XYLT1: variants seen among roughly 807,000 people sequenced by gnomAD.
XYLT1 encodes xylosyltransferase 1.
In XYLT1, 36 loss-of-function variants were observed where a neutral mutation model predicts 91.3. The observed-to-expected ratio is 0.39, with a 90% CI of 0.30 to 0.52. The LOEUF (loss-of-function observed/expected upper bound fraction) is 0.52, where lower values mean the gene tolerates loss of function less well. Ranked by LOEUF, XYLT1 falls within the 20% of genes least tolerant of loss-of-function variation. XYLT1 has a pLI of 0.68. For missense variants in XYLT1, 1,242 were observed against 1,284.5 expected (o/e 0.97, Z 0.51); for synonymous variants, 588 against 532.0 (o/e 1.11, Z -1.45).
chr16:17,279,423 C>T (rs2034024559), intron 2 of XYLT1, among the ~76,000 whole-genome samples: 2 of 152,316 alleles, frequency 1.3e-5, no homozygotes, highest in Admixed American at 6.5e-5. Context: ...GAGGTGAAGA[C>T]ACTTCCTTAA....
intron 5 of XYLT1, among the ~76,000 whole-genome samples, chr16:17,176,458 C>T (rs982584325): frequency 2.6e-5 from 4 of 152,340 alleles, no homozygotes; most frequent in African/African-American, 7.2e-5. Context: ...CCCAAGGGCA[C>T]GTGGCCAGTA....
chr16:17,154,445 C>G (rs143927020), intron 6 of XYLT1, among the ~76,000 whole-genome samples: 1 of 152,206 alleles, frequency 6.6e-6, no homozygotes, highest in Admixed American at 6.5e-5. Context: ...CCTGTCCCCA[C>G]ACACTGAGAC....
intron 5 of XYLT1, among the ~76,000 whole-genome samples, chr16:17,163,817 G>C (rs2031607013): frequency 6.6e-6 from 1 of 152,216 alleles, no homozygotes; most frequent in Middle Eastern, 3.4e-3. Flanking sequence ...GGGAGGCCAA[G>C]GCGGGTGGAT....
intron 2 of XYLT1, among the ~76,000 whole-genome samples, chr16:17,268,364 T>C (rs955676093): frequency 3.3e-5 from 5 of 152,228 alleles, no homozygotes; most frequent in African/African-American, 1.2e-4. Context: ...ATAAACATTT[T>C]AAGAATGCCT....
Position 17,104,935 on chromosome 16 carries a change from T to A in XYLT1, c.*3760A>T, listed in dbSNP as rs184425705. On this transcript the variant is annotated 3_prime_UTR_variant, in exon 12 of 12. Transcript: ENST00000261381. ...GGGCCCCATAAACATTTGTAACCCC[T>A]ACCACAGTGTGTGGCTTTGATCCTG... The A allele has an allele frequency of 6.6e-6, 1 of 152,392 alleles. No homozygotes were observed. The highest frequency in any genetic ancestry group is 1.5e-5 in the Non-Finnish European group (1 of 68,094). The allele number at this position is 152,392 out of a possible 1,614,324, so 9.4% of individuals were successfully genotyped here. A position where few individuals can be genotyped will look rare whatever the true frequency, so the allele number is the denominator to read the frequency against.
intron 3 of XYLT1, among the ~76,000 whole-genome samples, chr16:17,217,895 A>T (rs565196338): frequency 5.0e-4 from 76 of 152,056 alleles, no homozygotes; most frequent in Non-Finnish European, 7.6e-4. Flanking sequence ...CTTTGGAAGG[A>T]AGGAAGACCA....
At chr16:17,468,817 T>G (rs1199384084) in intron 1 of XYLT1, among the ~76,000 whole-genome samples, 1 of 152,114 alleles carries the variant, frequency 6.6e-6, no homozygotes, top group Admixed American at 6.5e-5. Flanking sequence ...CCCCTACACG[T>G]TCTTACACTG....
At chr16:17,418,113 A>C (rs953486642) in intron 1 of XYLT1, among the ~76,000 whole-genome samples, 1 of 152,224 alleles carries the variant, frequency 6.6e-6, no homozygotes, top group Admixed American at 6.5e-5. Context: ...GTCAGCCCAC[A>C]AAACCTTGAG....
At chr16:17,148,920 G>A (rs866842297) in intron 6 of XYLT1, among the ~76,000 whole-genome samples, 22 of 152,216 alleles carry the variant, frequency 1.4e-4, no homozygotes, top group African/African-American at 4.1e-4. Context: ...TTCTACCTGA[G>A]GTCAAATATG....
chr16:17,271,017 G>T (rs2033880219), intron 2 of XYLT1, among the ~76,000 whole-genome samples: 1 of 152,196 alleles, frequency 6.6e-6, no homozygotes, highest in Non-Finnish European at 1.5e-5. Context: ...ACAACATGAG[G>T]TTGCAAAGTC....
At chr16:17,188,070 TAA>T (rs1374931646) in intron 5 of XYLT1, among the ~76,000 whole-genome samples, 2 of 152,032 alleles carry the variant, frequency 1.3e-5, no homozygotes, top group African/African-American at 4.8e-5. Context: ...TCTGAGTGAC[TAA>T]AAGACTTCAT....
At chr16:17,140,658 C>CAAAAAAAAAA (rs71137974) in intron 7 of XYLT1, among the ~76,000 whole-genome samples, 11 of 68,028 alleles carry the variant, frequency 1.6e-4, no homozygotes, top group African/African-American at 6.4e-4. Context: ...AAGACTGTCT[C>CAAAAAAAAAA]AAAAAAAAAA....
intron 2 of XYLT1, among the ~76,000 whole-genome samples, chr16:17,325,239 A>C (rs1346333820): frequency 6.6e-6 from 1 of 152,102 alleles, no homozygotes; most frequent in Non-Finnish European, 1.5e-5. Flanking sequence ...CTCTACTAAA[A>C]ATACAAAAAA....
chr16:17,425,502 T>A (rs771047283), intron 1 of XYLT1, among the ~76,000 whole-genome samples: 4 of 152,158 alleles, frequency 2.6e-5, no homozygotes, highest in Non-Finnish European at 4.4e-5. Context: ...GGACAAATAA[T>A]TCTTCTTACA....
At chr16:17,386,303 T>C (rs953936277) in intron 1 of XYLT1, among the ~76,000 whole-genome samples, 2 of 152,142 alleles carry the variant, frequency 1.3e-5, no homozygotes, top group Admixed American at 6.5e-5. Context: ...CTCTCAGTCA[T>C]GGATAACACT....
intron 2 of XYLT1, among the ~76,000 whole-genome samples, chr16:17,313,439 C>T (rs1012218121): frequency 1.6e-4 from 25 of 152,280 alleles, no homozygotes; most frequent in Admixed American, 1.4e-3. Context: ...CCCCCCTTTC[C>T]TGCTGACTTT....
chr16:17,427,985 G>A (rs1020775488), intron 1 of XYLT1, among the ~76,000 whole-genome samples: 2 of 151,874 alleles, frequency 1.3e-5, no homozygotes, highest in African/African-American at 4.8e-5. Context: ...GGGTTTGGAG[G>A]ACCTTTTTAT....
Position 17,106,769 on chromosome 16 carries a change from A to G in XYLT1, c.*1926T>C, listed in dbSNP as rs1195880108. The G allele has an allele frequency of 1.3e-5, 2 of 152,088 alleles. No individual in the cohort carries two copies. Among genetic ancestry groups the G allele is most frequent in the East Asian group, 1.9e-4 (1 of 5,162 alleles). The allele number at this position is 152,088 out of a possible 1,614,324, so 9.4% of individuals were successfully genotyped here. A position where few individuals can be genotyped will look rare whatever the true frequency, so the allele number is the denominator to read the frequency against. On this transcript the variant is annotated 3_prime_UTR_variant, in exon 12 of 12. Coordinates refer to ENST00000261381, the MANE Select transcript of XYLT1 (RefSeq NM_022166.4). Reference sequence around the variant, plus strand: ...GAGGATGGGAGGCTCAGGAATTCCAATACTCTTGGAATCCGAGGGAGAGTG... The same window carrying G: ...GAGGATGGGAGGCTCAGGAATTCCAGTACTCTTGGAATCCGAGGGAGAGTG...
At chr16:17,163,544 C>T (rs1383407849) in intron 5 of XYLT1, among the ~76,000 whole-genome samples, 1 of 152,210 alleles carries the variant, frequency 6.6e-6, no homozygotes, top group Non-Finnish European at 1.5e-5. Flanking sequence ...GAACCCCTTC[C>T]CGACTGCAGG....
Sources: allele counts gnomAD v4.1 joint callset (sites outside exome capture counted in the v4.1 genomes callset), GRCh38; gene constraint gnomAD v4.1.1; transcripts MANE v1.5; gene names NCBI Gene and HGNC (gene_info 2026-07-23, HGNC 2026-07-21).